Variants in SLC9A7 observed in about 807,000 individuals in gnomAD.
SLC9A7 encodes sodium/hydrogen exchanger 7.
A neutral mutation model predicts 52.6 loss-of-function variants in SLC9A7; 19 were observed. That is an observed-to-expected ratio of 0.36 (90% CI 0.25 to 0.53). The LOEUF is 0.53. Ranked by LOEUF, SLC9A7 falls within the 20% of genes least tolerant of loss-of-function variation. The pLI is 0.91. For missense variants in SLC9A7, 455 were observed against 597.9 expected (o/e 0.76, Z 2.49); for synonymous variants, 226 against 252.1 (o/e 0.90, Z 0.98).
At chrX:46,656,745 A>G (rs1943702643) in intron 7 of SLC9A7, among the ~76,000 whole-genome samples, 1 of 111,526 alleles carries the variant, frequency 9.0e-6, no homozygotes, top group Non-Finnish European at 1.9e-5. Flanking sequence ...TCTACATCTG[A>G]TTGGTGTACC....
chrX:46,663,907 C>T (rs759519498), intron 5 of SLC9A7, among the ~76,000 whole-genome samples: 12 of 111,063 alleles, frequency 1.1e-4, no homozygotes, highest in Non-Finnish European at 2.3e-4. Flanking sequence ...TGCGGTGAGC[C>T]GAGATTGCGC....
At chrX:46,738,079 GAAA>G (rs1945157063) in intron 1 of SLC9A7, among the ~76,000 whole-genome samples, 1 of 73,058 alleles carries the variant, frequency 1.4e-5, no homozygotes, top group African/African-American at 3.9e-5. Context: ...AAGAAAGAAA[GAAA>G]GAAAGAAAGA....
At chrX:46,632,923 T>C (rs1943244936) in intron 13 of SLC9A7, among the ~76,000 whole-genome samples, 1 of 110,146 alleles carries the variant, frequency 9.1e-6, no homozygotes, top group African/African-American at 3.3e-5. Flanking sequence ...TAACAAATAC[T>C]ATAAAAGCAC....
At chrX:46,636,173 G>C (rs1028153921) in intron 12 of SLC9A7, among the ~76,000 whole-genome samples, 18 of 111,307 alleles carry the variant, frequency 1.6e-4, no homozygotes, top group Admixed American at 7.6e-4. Flanking sequence ...TTGTACATAG[G>C]ATCAACCTGA....
Position 46,604,883 on chromosome X carries a change from G to A in SLC9A7, c.*2069C>T, listed in dbSNP as rs1170855550. 8.9e-6 allele frequency: 1 copy of A among 112,294 alleles called. No individual in the cohort carries two copies. The highest frequency in any genetic ancestry group is 3.2e-5 in the African/African-American group (1 of 30,867). The allele number at this position is 112,294 out of a possible 1,213,427, so 9.3% of individuals were successfully genotyped here. On this transcript the variant is annotated 3_prime_UTR_variant, in exon 17 of 17. Transcript: ENST00000616978. ...TTCAAACACAAAGTTGTGAAGCAAT[G>A]TCTTATTTAAAAATTAAGCATTAAA...
intron 1 of SLC9A7, among the ~76,000 whole-genome samples, chrX:46,750,702 C>T (rs1556286918): frequency 8.9e-6 from 1 of 112,255 alleles, no homozygotes; most frequent in African/African-American, 3.2e-5. Context: ...ATGCAAAGTA[C>T]TTAACACGGT....
rs1922879024 is a variant in SLC9A7 at position 46,758,744 on chromosome X, C to T, written c.286G>A (p.Val96Met). The T allele has an allele frequency of 1.7e-6, 2 of 1,195,860 alleles. No homozygotes were observed. Among genetic ancestry groups the T allele is most frequent in the Non-Finnish European group, 2.3e-6 (2 of 887,916 alleles). Residue 96 changes from valine to methionine, a missense_variant, in exon 1 of 17, where the codon GTG becomes ATG. By Grantham distance (21) the Val-to-Met change is conservative. Transcript: ENST00000616978. ...AGCCCGGTCTCGTGCAGAAAGCGCA[C>T]CCGGCGGTGCTTGAAGAGCCAGATG... ...LTIWLFKHRR[V>M]RFLHETGLAM...
chrX:46,609,119 A>C (rs1361746947), intron 16 of SLC9A7, among the ~76,000 whole-genome samples: 1 of 111,741 alleles, frequency 8.9e-6, no homozygotes, highest in Non-Finnish European at 1.9e-5. Flanking sequence ...TGGTCCTGGC[A>C]CATATTTTAC....
chrX:46,645,349 A>G (rs1943472493), intron 11 of SLC9A7, among the ~76,000 whole-genome samples: 1 of 112,005 alleles, frequency 8.9e-6, no homozygotes, highest in African/African-American at 3.2e-5. Context: ...TCTTGAGTGA[A>G]GCTCAAACTC....
chrX:46,629,867 G>A (rs1380795337), intron 14 of SLC9A7, among the ~76,000 whole-genome samples: 1 of 111,662 alleles, frequency 9.0e-6, no homozygotes, highest in Non-Finnish European at 1.9e-5. Context: ...TAGCCTCGAG[G>A]TGCTCAGTTC....
At chrX:46,745,163 C>G (rs954899867) in intron 1 of SLC9A7, among the ~76,000 whole-genome samples, 1 of 111,768 alleles carries the variant, frequency 8.9e-6, no homozygotes, top group Admixed American at 9.5e-5. Context: ...TTTGCTTGCC[C>G]TTGTCCCACC....
intron 15 of SLC9A7, among the ~76,000 whole-genome samples, chrX:46,615,998 T>C (rs761920274): frequency 9.1e-6 from 1 of 110,211 alleles, no homozygotes; most frequent in South Asian, 3.8e-4. Context: ...TTTTTATGCT[T>C]TGTGTATAGA....
chrX:46,757,663 G>A (rs782664312), intron 1 of SLC9A7, among the ~76,000 whole-genome samples: 81 of 111,639 alleles, frequency 7.3e-4, no homozygotes, highest in Middle Eastern at 4.6e-3. Flanking sequence ...TTCGTGTGAG[G>A]ATGCCAATTC....
chrX:46,631,322 G>A (rs995956457), intron 14 of SLC9A7, among the ~76,000 whole-genome samples: 1 of 112,134 alleles, frequency 8.9e-6, no homozygotes, highest in African/African-American at 3.2e-5. Context: ...GAAAAGTGGA[G>A]AGTCAGGGAC....
intron 3 of SLC9A7, among the ~76,000 whole-genome samples, chrX:46,679,109 T>C (rs955517529): frequency 1.8e-5 from 2 of 112,231 alleles, no homozygotes; most frequent in Non-Finnish European, 3.8e-5. Flanking sequence ...TACAATGTTA[T>C]ATAAATGAAA....
intron 12 of SLC9A7, among the ~76,000 whole-genome samples, chrX:46,640,997 C>T (rs1055081231): frequency 8.9e-6 from 1 of 112,504 alleles, no homozygotes; most frequent in African/African-American, 3.2e-5. Flanking sequence ...AAACTAAACA[C>T]GTTTACTATC....
intron 12 of SLC9A7, among the ~76,000 whole-genome samples, chrX:46,639,767 T>A (rs1602163218): frequency 1.0e-5 from 1 of 97,337 alleles, no homozygotes. Flanking sequence ...GTCTATATGG[T>A]CTATGTAGAA....
At chrX:46,717,239 T>C (rs1010089296) in intron 1 of SLC9A7, among the ~76,000 whole-genome samples, 16 of 112,484 alleles carry the variant, frequency 1.4e-4, no homozygotes, top group African/African-American at 4.8e-4. Flanking sequence ...AAATGCCACA[T>C]TGTACCACAA....
At chrX:46,712,521 G>C (rs1430684026) in intron 1 of SLC9A7, among the ~76,000 whole-genome samples, 1 of 111,249 alleles carries the variant, frequency 9.0e-6, no homozygotes, top group Non-Finnish European at 1.9e-5. Flanking sequence ...CCTCCAACCA[G>C]GCCCACCTCC....
Sources: allele counts gnomAD v4.1 joint callset (sites outside exome capture counted in the v4.1 genomes callset), GRCh38; gene constraint gnomAD v4.1.1; transcripts MANE v1.5; gene names NCBI Gene and HGNC (gene_info 2026-07-23, HGNC 2026-07-21).